Variants in TFF2 observed in about 807,000 individuals in gnomAD.
TFF2 encodes spasmolysin.
In TFF2, 19 loss-of-function variants were observed where a neutral mutation model predicts 16.0. The ratio of observed to expected loss-of-function variants is 1.19; its 90% CI spans 0.83 to 1.74. The LOEUF (loss-of-function observed/expected upper bound fraction) is 1.74. TFF2 is among the 40% of genes most tolerant of loss of function. The pLI is 0.00. For missense variants in TFF2, 168 were observed against 166.8 expected (o/e 1.01, Z -0.04); for synonymous variants, 61 against 65.4 (o/e 0.93, Z 0.32).
chr21:42,350,836 A>T, intron 1 of TFF2, 43 bp downstream of exon 1: 2 of 1,531,026 alleles, frequency 1.3e-6, no homozygotes, highest in Non-Finnish European at 1.8e-6. Context: ...TTTCTTTAAG[A>T]GAAATAAAGA....
Position 42,350,878 on chromosome 21 carries a change from CA to C in TFF2, c.79del (p.Ser27ProfsTer8). The C allele has an allele frequency of 6.2e-7, 1 of 1,611,166 alleles. No homozygotes were observed. Among genetic ancestry groups the C allele is most frequent in the Non-Finnish European group, 8.5e-7 (1 of 1,178,992 alleles). On this transcript the variant is annotated frameshift_variant and splice_region_variant, in exon 1 of 4. Transcript: ENST00000291526. LOFTEE classifies it high-confidence loss of function. Reference sequence around the variant, plus strand: ...ATAAAAAGACCCTCTCCTTCACTTACAGGGTTTCTCACTCCCCGCCAGGGCA... The same window carrying C: ...ATAAAAAGACCCTCTCCTTCACTTACGGGTTTCTCACTCCCCGCCAGGGCA... ...LCALAGSEKP[S>X]PCQCSRLSPH...
chr21:42,349,963 A>C lies in TFF2; in HGVS notation c.147T>G (p.Ser49Arg). 1 of 1,599,380 alleles carries C rather than the reference A, an allele frequency of 6.3e-7. No homozygotes were observed. The change falls in exon 2 of 4, where the codon AGT becomes AGG. Residue 49 changes from serine (S) to arginine (R), a missense_variant. Physicochemically the swap from Ser to Arg is moderately radical, Grantham distance 110. Transcript: ENST00000291526. ...RTNCGFPGIT[S>R]DQCFDNGCCF... is the part of the protein sequence containing the mutation. ...AGCATCCATTGTCAAAACACTGGTC[A>C]CTGGTGATTCCAGGGAAGCCGCAGT...
chr21:42,349,398 A>ACTAACCAACCTGGGCTACTAGCCCCAGT, intron 2 of TFF2, among the ~76,000 whole-genome samples: 1 of 148,522 alleles, frequency 6.7e-6, no homozygotes, highest in East Asian at 2.0e-4. Context: ...CTAGCCCCAG[A>ACTAACCAACCTGGGCTACTAGCCCCAGT]CTAACCAACC....
rs145557312 is a variant in TFF2, at chr21:42,350,919, G to A, written c.39C>T (p.Leu13=). Residue 13 remains leucine (L), a synonymous_variant, in exon 1 of 4, where the codon CTC becomes CTT. Transcript: ENST00000291526. ...RRDAQLLAAL[L]VLGLCALAGS... is the part of the protein sequence containing the mutation. ...CCGCCAGGGCACATAGCCCCAGGAC[G>A]AGGAGCGCTGCCAGGAGCTGGGCGT... 167 of 1,613,738 alleles carry A rather than the reference G, an allele frequency of 1.0e-4. No homozygotes were observed. The highest frequency in any genetic ancestry group is 1.3e-4 in the Non-Finnish European group (157 of 1,179,924).
At position 42,347,600 on chromosome 21, in the gene TFF2, G is replaced by T. The variant is rs370824905; in HGVS notation, c.262C>A (p.Arg88=). The T allele has an allele frequency of 1.2e-6, 2 of 1,614,018 alleles. No homozygotes were observed. The highest frequency in any genetic ancestry group is 1.7e-6 in the Non-Finnish European group (2 of 1,180,022). ...SDQCVMEVSD[R]RNCGYPGISP... ...ATGCCCGGGTAGCCACAGTTTCTTC[G>T]GTCTGAGACCTCCATGACGCACTGA... Residue 88 remains arginine (R), a synonymous_variant, in exon 3 of 4, where the codon CGA becomes AGA. Transcript: ENST00000291526.
intron 3 of TFF2, among the ~76,000 whole-genome samples, chr21:42,347,104 A>G (rs1032426543): frequency 2.6e-5 from 4 of 152,188 alleles, no homozygotes; most frequent in African/African-American, 9.6e-5. Flanking sequence ...AGAAGGGGCC[A>G]GGTCTGCTTG....
intron 3 of TFF2, among the ~76,000 whole-genome samples, chr21:42,347,173 G>A (rs1359275073): frequency 6.6e-6 from 1 of 152,240 alleles, no homozygotes; most frequent in African/African-American, 2.4e-5. Flanking sequence ...TCCAAATGCA[G>A]ATGGGCTTGC....
intron 2 of TFF2, among the ~76,000 whole-genome samples, chr21:42,348,399 C>G (rs902017706): frequency 2.6e-5 from 4 of 152,168 alleles, no homozygotes; most frequent in African/African-American, 9.7e-5. Flanking sequence ...GAAGCTTCTT[C>G]AGAAGTCACA....
intron 3 of TFF2, among the ~76,000 whole-genome samples, chr21:42,347,026 C>A (rs530066320): frequency 6.6e-6 from 1 of 152,252 alleles, no homozygotes; most frequent in South Asian, 2.1e-4. Context: ...CGGGACTGCC[C>A]GGAGCAGGAC....
intron 1 of TFF2, chr21:42,350,231 GAAAAAAA>G: frequency 1.0e-6 from 1 of 965,148 alleles, no homozygotes; most frequent in South Asian, 4.3e-5. Flanking sequence ...AGTTTAAAAG[GAAAAAAA>G]AAAAAAAGCC....
At position 42,347,622 on chromosome 21, in the gene TFF2, C is replaced by G. The variant is rs1361421884; in HGVS notation, c.240G>C (p.Gln80His). Residue 80 changes from glutamine (Q) to histidine (H), a missense_variant, in exon 3 of 4, where the codon CAG (glutamine) becomes CAC (histidine). By Grantham distance (24) the Gln-to-His change is conservative. Transcript: ENST00000291526. ...TTCGGTCTGAGACCTCCATGACGCA[C>G]TGATCCGACTCTGCCATGGGACAGG... ...FHPLPKQESD[Q>H]CVMEVSDRRN... The G allele has an allele frequency of 6.2e-7, 1 of 1,614,138 alleles. No individual in the cohort carries two copies. Among genetic ancestry groups the G allele is most frequent in the Admixed American group, 1.7e-5 (1 of 60,026 alleles).
Position 42,350,929 on chromosome 21 carries a change from G to T in TFF2, c.29C>A (p.Ala10Glu). The change falls in exon 1 of 4, where the codon GCA (alanine) becomes GAA (glutamate). Residue 10 changes from alanine to glutamate, a missense_variant. Coordinates refer to ENST00000291526, the MANE Select transcript of TFF2 (RefSeq NM_005423.5). Reference protein sequence around the residue: MGRRDAQLLAALLVLGLCAL... With the variant: MGRRDAQLLEALLVLGLCAL... Reference sequence around the variant, plus strand: ...ACATAGCCCCAGGACGAGGAGCGCTGCCAGGAGCTGGGCGTCTCGCCGTCC... The same window carrying T: ...ACATAGCCCCAGGACGAGGAGCGCTTCCAGGAGCTGGGCGTCTCGCCGTCC... The T allele has an allele frequency of 6.2e-7, 1 of 1,613,930 alleles. No individual in the cohort carries two copies. Among genetic ancestry groups the T allele is most frequent in the Non-Finnish European group, 8.5e-7 (1 of 1,179,912 alleles).
chr21:42,349,967 G>T lies in TFF2; in HGVS notation c.143C>A (p.Thr48Asn), dbSNP rs2052103051. 6 of 1,598,866 alleles carry T rather than the reference G, an allele frequency of 3.8e-6. No homozygotes were observed. Among genetic ancestry groups the T allele is most frequent in the Non-Finnish European group, 5.1e-6 (6 of 1,172,620 alleles). Reference protein sequence around the residue: ...NRTNCGFPGITSDQCFDNGCC... With the variant: ...NRTNCGFPGINSDQCFDNGCC... ...TCCATTGTCAAAACACTGGTCACTG[G>T]TGATTCCAGGGAAGCCGCAGTTCGT... The change falls in exon 2 of 4, where the codon ACC becomes AAC. Residue 48 changes from threonine (T) to asparagine (N), a missense_variant. Physicochemically the swap from Thr to Asn is moderately conservative, Grantham distance 65. Coordinates refer to ENST00000291526, the MANE Select transcript of TFF2 (RefSeq NM_005423.5).
rs1392876739 is a variant in TFF2, at chr21:42,350,921, G to C, written c.37C>G (p.Leu13Val). The change falls in exon 1 of 4, where the codon CTC (leucine) becomes GTC (valine). Residue 13 changes from leucine to valine, a missense_variant. Coordinates refer to ENST00000291526, the MANE Select transcript of TFF2 (RefSeq NM_005423.5). ...GCCAGGGCACATAGCCCCAGGACGA[G>C]GAGCGCTGCCAGGAGCTGGGCGTCT... ...RRDAQLLAALLVLGLCALAGS... is the reference protein window; with the variant it reads ...RRDAQLLAALVVLGLCALAGS... 2 of 1,613,776 alleles carry C rather than the reference G, an allele frequency of 1.2e-6. No homozygotes were observed. The highest frequency in any genetic ancestry group is 2.7e-5 in the African/African-American group (2 of 74,924).
chr21:42,349,525 G>A (rs2052097931), intron 2 of TFF2, among the ~76,000 whole-genome samples: 1 of 150,542 alleles, frequency 6.6e-6, no homozygotes. Context: ...GCTAGCTCCA[G>A]GCTAACCAAC....
intron 3 of TFF2, among the ~76,000 whole-genome samples, 161 bp from the exon 4 acceptor site, chr21:42,346,707 C>A (rs1446505483): frequency 1.3e-5 from 2 of 152,194 alleles, no homozygotes; most frequent in South Asian, 2.1e-4. Context: ...AATCTTCCCA[C>A]CCCAGGCCAG....
intron 2 of TFF2, among the ~76,000 whole-genome samples, chr21:42,349,284 GCTA>G (rs2052094527): frequency 6.6e-6 from 1 of 150,412 alleles, no homozygotes. Context: ...ACCAACCTAG[GCTA>G]CTAGCCCCAG....
rs113793902 is a variant in TFF2 at position 42,350,297 on chromosome 21, C to T, written c.80-267G>A. The T allele has an allele frequency of 4.1e-4, 286 of 697,376 alleles. 2 individuals carry two copies. In the African/African-American group the frequency reaches 4.8e-3, roughly 12 times the overall value. The allele number at this position is 697,376 out of a possible 1,614,324, so 43.2% of individuals were successfully genotyped here. A position where few individuals can be genotyped will look rare whatever the true frequency, so the allele number is the denominator to read the frequency against. ...ATCCCAGCACTTTAGGAAGCCGAGG[C>T]GGGCAGATTGCTTGAGCTCAGGAGT... On this transcript the variant is annotated intron_variant, in intron 1 of 3. Transcript: ENST00000291526.
chr21:42,348,032 G>A (rs1422447040), intron 2 of TFF2, among the ~76,000 whole-genome samples: 1 of 152,200 alleles, frequency 6.6e-6, no homozygotes, highest in Non-Finnish European at 1.5e-5. Flanking sequence ...TTGGTAAGAT[G>A]GAAAGCGTTT....
Sources: allele counts gnomAD v4.1 joint callset (sites outside exome capture counted in the v4.1 genomes callset), GRCh38; gene constraint gnomAD v4.1.1; transcripts MANE v1.5; gene names NCBI Gene and HGNC (gene_info 2026-07-23, HGNC 2026-07-21).